Variants in ZMYND8 observed in about 807,000 individuals in gnomAD.
The protein encoded by ZMYND8 is MYND-type zinc finger-containing chromatin reader ZMYND8.
Under a neutral mutation model 140.8 loss-of-function variants are expected in ZMYND8, and 37 were observed. That is an observed-to-expected ratio of 0.26 (90% confidence interval 0.20 to 0.35). The LOEUF is 0.35. Ranked by LOEUF, ZMYND8 falls within the 10% of genes least tolerant of loss-of-function variation. The probability of loss-of-function intolerance (pLI) is 1.00; values close to 1 mark genes in which losing one functional copy is unlikely to be tolerated. For missense variants in ZMYND8, 1,068 were observed against 1,570.0 expected, an observed-to-expected ratio of 0.68 and a Z score of 5.40; for synonymous variants, 592 against 597.1, an observed-to-expected ratio of 0.99 and a Z score of 0.12.
chr20:47,319,431 T>C (rs1220744548), intron 2 of ZMYND8: 1 of 224,700 alleles, frequency 4.5e-6, no homozygotes, highest in Non-Finnish European at 9.1e-6. Flanking sequence ...TTTTAACATT[T>C]TTAGTAATTG....
chr20:47,282,730 A>AAC (rs2076685417), intron 9 of ZMYND8, among the ~76,000 whole-genome samples: 1 of 151,956 alleles, frequency 6.6e-6, no homozygotes, highest in Non-Finnish European at 1.5e-5. Context: ...TCTCAAAAAA[A>AAC]AAAAAACAAA....
chr20:47,270,285 A>C (rs2075829462), intron 11 of ZMYND8, among the ~76,000 whole-genome samples: 1 of 150,774 alleles, frequency 6.6e-6, no homozygotes, highest in Admixed American at 6.6e-5. Context: ...AGGCAGGAGA[A>C]TCGCTTGAAC....
At chr20:47,260,400 G>A (rs979599310) in intron 12 of ZMYND8, among the ~76,000 whole-genome samples, 27 of 152,016 alleles carry the variant, frequency 1.8e-4, no homozygotes, top group Admixed American at 1.2e-3. Context: ...CCGACTCCAC[G>A]GACTGGCCTC....
At chr20:47,284,611 A>G (rs1333037132) in intron 8 of ZMYND8, among the ~76,000 whole-genome samples, 1 of 151,872 alleles carries the variant, frequency 6.6e-6, no homozygotes, top group East Asian at 1.9e-4. Flanking sequence ...CCTTCCAGCC[A>G]CTCTGGCCTG....
intron 16 of ZMYND8, among the ~76,000 whole-genome samples, chr20:47,235,552 C>T (rs2039116704): frequency 6.6e-6 from 1 of 151,984 alleles, no homozygotes; most frequent in Non-Finnish European, 1.5e-5. Flanking sequence ...TAAAAAAATA[C>T]AAAGATTAGC....
rs200833449 is a variant in ZMYND8, at chr20:47,300,884, TTGTGTGTGTGTGTGTGTGTGTG to T, written c.235-1959_235-1938del. Among the ~76,000 whole-genome samples the T allele has an allele frequency of 4.3e-3, 555 of 130,386 alleles. 7 individuals are homozygous for T. Among genetic ancestry groups the T allele is most frequent in the Middle Eastern group, 0.025 (7 of 278 alleles). 85.5% of individuals were successfully genotyped at this position (130,386 alleles called of 152,430 possible). On this transcript the variant is annotated intron_variant, in intron 3 of 22. Transcript: ENST00000471951. ...TGAGCGCCACCATGCACAACTAATT[TTGTGTGTGTGTGTGTGTGTGTG>T]TGTGTGTGTGTGTGTGTGTGTGTGT...
chr20:47,265,053 C>CGTATAT (rs2075415351), intron 11 of ZMYND8, among the ~76,000 whole-genome samples: 1 of 114,248 alleles, frequency 8.8e-6, no homozygotes, highest in Non-Finnish European at 2.1e-5. Context: ...AATATATATA[C>CGTATAT]ATATATATAT....
intron 4 of ZMYND8, among the ~76,000 whole-genome samples, chr20:47,295,402 T>C (rs563382382): frequency 1.5e-4 from 23 of 152,188 alleles, no homozygotes; most frequent in South Asian, 6.2e-4. Flanking sequence ...CAAAAATATG[T>C]ATGTATAAAA....
chr20:47,275,220 A>C (rs558743710), intron 11 of ZMYND8, among the ~76,000 whole-genome samples: 44 of 152,350 alleles, frequency 2.9e-4, no homozygotes, highest in Admixed American at 1.6e-3. Context: ...GGCCAGGCCC[A>C]GTGGCTCACA....
In ZMYND8 at chr20:47,310,043, G is replaced by C. The variant is rs2078805824; in HGVS notation, c.234+13C>G. On this transcript the variant is annotated intron_variant, in intron 3 of 22. Coordinates refer to ENST00000471951, the MANE Select transcript of ZMYND8 (RefSeq NM_001281775.3). ...CCCACCAGTGAGGACACCGTTCCCA[G>C]CGGCTGCTTTACCTGCTCCTTATTG... The C allele has an allele frequency of 4.3e-6, 7 of 1,614,164 alleles. No individual in the cohort carries two copies. Among genetic ancestry groups the C allele is most frequent in the Non-Finnish European group, 5.9e-6 (7 of 1,180,022 alleles).
In ZMYND8 at chr20:47,275,427, G is replaced by A. The variant is rs41382645; in HGVS notation, c.1480+887C>T. On this transcript the variant is annotated intron_variant, in intron 11 of 22. Transcript: ENST00000471951. ...GACAATCACTTGAACCCAGGAGGTG[G>A]AGGTTGCAGTGAGCTGAGATGGTGC... 3.3e-3 allele frequency among the ~76,000 whole-genome samples: 503 copies of A among 151,382 alleles called. 5 individuals are homozygous for A. In the South Asian group the frequency reaches 0.044, roughly 13 times the overall value.
chr20:47,239,044 A>C lies in ZMYND8; in HGVS notation c.2379T>G (p.Ala793=). 1 of 1,580,416 alleles carries C rather than the reference A, an allele frequency of 6.3e-7. No individual in the cohort carries two copies. Among genetic ancestry groups the C allele is most frequent in the Non-Finnish European group, 8.6e-7 (1 of 1,160,788 alleles). ...ACGTGCTGGTGGTGGCTGTGGCGCC[A>C]GCCGCGGAAGTTTGGGCGGAAGAGC... is the stretch of plus-strand genomic sequence containing the variant. ...LTRSSAQTSA[A]GATATTSTSS... The change falls in exon 15 of 23, where the codon GCT becomes GCG. Residue 793 remains alanine, a synonymous_variant. Coordinates refer to ENST00000471951, the MANE Select transcript of ZMYND8 (RefSeq NM_001281775.3).
intron 12 of ZMYND8, among the ~76,000 whole-genome samples, chr20:47,251,299 T>C (rs1023033591): frequency 1.3e-5 from 2 of 152,126 alleles, no homozygotes; most frequent in African/African-American, 4.8e-5. Context: ...GCAAATTTAC[T>C]GCAGTGGGGC....
rs540537430 is a variant in ZMYND8, at chr20:47,262,152, C to T, written c.1621+136G>A. On this transcript the variant is annotated intron_variant, in intron 12 of 22. Coordinates refer to ENST00000471951, the MANE Select transcript of ZMYND8 (RefSeq NM_001281775.3). The stretch of plus-strand genomic sequence containing the variant: ...CTTTTCACAGATCTTTTCTCACCTT[C>T]ATCCTCTGAAACTTTTGCATTTTTT... The T allele has an allele frequency of 9.6e-4, 1,182 of 1,228,534 alleles. 1 individual carries two copies. Among genetic ancestry groups the T allele is most frequent in the Non-Finnish European group, 1.3e-3 (1,135 of 860,542 alleles). The allele number at this position is 1,228,534 out of a possible 1,614,324, so 76.1% of individuals were successfully genotyped here. A position where few individuals can be genotyped will look rare whatever the true frequency, so the allele number is the denominator to read the frequency against.
In ZMYND8 at chr20:47,276,242, C is replaced by T. The variant is rs1199751070; in HGVS notation, c.1480+72G>A. ...TGCTTGATGCTCACCTGCTTGGGCCCACCAAGTGTGCACCCATGGGAAACC... is the reference window on the plus strand; with the variant it reads ...TGCTTGATGCTCACCTGCTTGGGCCTACCAAGTGTGCACCCATGGGAAACC... On this transcript the variant is annotated intron_variant, in intron 11 of 22. Coordinates refer to ENST00000471951, the MANE Select transcript of ZMYND8 (RefSeq NM_001281775.3). 3 of 1,464,986 alleles carry T rather than the reference C, an allele frequency of 2.0e-6. No individual in the cohort carries two copies. The East Asian group carries it at 6.9e-5, about 34-fold the overall frequency. The allele number at this position is 1,464,986 out of a possible 1,614,324, so 90.7% of individuals were successfully genotyped here.
intron 11 of ZMYND8, among the ~76,000 whole-genome samples, chr20:47,267,786 G>A (rs984439668): frequency 6.6e-6 from 1 of 152,250 alleles, no homozygotes; most frequent in Non-Finnish European, 1.5e-5. Flanking sequence ...GTGACCTGAG[G>A]GCCACCCTGG....
intron 7 of ZMYND8, among the ~76,000 whole-genome samples, chr20:47,289,896 A>T (rs1169671493): frequency 1.3e-5 from 2 of 152,224 alleles, no homozygotes; most frequent in Non-Finnish European, 2.9e-5. Flanking sequence ...AAATTCAGTG[A>T]ATATAAACAT....
intron 11 of ZMYND8, among the ~76,000 whole-genome samples, chr20:47,265,266 AG>A (rs2075438121): frequency 6.6e-6 from 1 of 152,082 alleles, no homozygotes; most frequent in Admixed American, 6.6e-5. Flanking sequence ...TCTAACAGGG[AG>A]GGCCTTACTA....
intron 11 of ZMYND8, among the ~76,000 whole-genome samples, chr20:47,268,674 G>C (rs2075717607): frequency 7.0e-6 from 1 of 143,858 alleles, no homozygotes; most frequent in South Asian, 2.3e-4. Flanking sequence ...CTGTTCAAGA[G>C]GCTGAGGCAG....
Sources: allele counts gnomAD v4.1 joint callset (sites outside exome capture counted in the v4.1 genomes callset), GRCh38; gene constraint gnomAD v4.1.1; transcripts MANE v1.5; gene names NCBI Gene and HGNC (gene_info 2026-07-23, HGNC 2026-07-21).